CDH13: variants seen among roughly 807,000 people sequenced by gnomAD.
The protein encoded by CDH13 is cadherin 13.
Under a neutral mutation model 63.8 loss-of-function variants are expected in CDH13, and 24 were observed. The ratio of observed to expected loss-of-function variants is 0.38; its 90% CI spans 0.27 to 0.53. CDH13 has a LOEUF of 0.53. CDH13 is among the 20% of genes least tolerant of loss of function. The probability of loss-of-function intolerance (pLI) is 0.85; values close to 1 mark genes in which losing one functional copy is unlikely to be tolerated. For synonymous variants in CDH13, 503 were observed against 355.3 expected, an observed-to-expected ratio of 1.42 and a Z score of -4.67; for missense variants, 1,049 against 903.1, an observed-to-expected ratio of 1.16 and a Z score of -2.07.
At chr16:83,665,900 T>G (rs1349061902) in intron 8 of CDH13, among the ~76,000 whole-genome samples, 3 of 152,216 alleles carry the variant, frequency 2.0e-5, no homozygotes, top group Admixed American at 2.0e-4. Flanking sequence ...TACTTGTGAT[T>G]GTCTTTGTGG....
intron 9 of CDH13, among the ~76,000 whole-genome samples, chr16:83,677,131 C>T (rs939542724): frequency 6.6e-6 from 1 of 152,222 alleles, no homozygotes; most frequent in Non-Finnish European, 1.5e-5. Flanking sequence ...AATGTCTCCC[C>T]ATGCACCGCT....
At chr16:83,115,214 C>G (rs1399378998) in intron 3 of CDH13, among the ~76,000 whole-genome samples, 1 of 152,168 alleles carries the variant, frequency 6.6e-6, no homozygotes, top group Non-Finnish European at 1.5e-5. Flanking sequence ...GGCCAAAGAG[C>G]TGAATGACTT....
intron 2 of CDH13, among the ~76,000 whole-genome samples, chr16:83,011,731 G>C (rs1169247225): frequency 6.6e-6 from 1 of 152,038 alleles, no homozygotes; most frequent in Non-Finnish European, 1.5e-5. Flanking sequence ...TCTACTCCCA[G>C]TTAAGCTTTC....
chr16:82,892,370 C>G (rs1055569959), intron 2 of CDH13, among the ~76,000 whole-genome samples: 2 of 152,194 alleles, frequency 1.3e-5, no homozygotes, highest in African/African-American at 4.8e-5. Context: ...AACATTGGTT[C>G]GGGATGACAT....
rs72804340 is a variant in CDH13 at position 83,367,937 on chromosome 16, T to G, written c.781+22931T>G. ...CATGAATATAGAATGCCTTTCCATTTATTTTTGTTAATTTCCTTCAACAAT... is the reference window on the plus strand; with the variant it reads ...CATGAATATAGAATGCCTTTCCATTGATTTTTGTTAATTTCCTTCAACAAT... On this transcript the variant is annotated intron_variant, in intron 6 of 13. Transcript: ENST00000567109. Among the ~76,000 whole-genome samples, 488 of 152,350 alleles carry G rather than the reference T, an allele frequency of 3.2e-3. 2 individuals are homozygous for G. Among genetic ancestry groups the G allele is most frequent in the Admixed American group, 5.5e-3 (84 of 15,304 alleles).
intron 8 of CDH13, chr16:83,655,206 T>G (rs919568381): frequency 1.3e-5 from 2 of 152,224 alleles, no homozygotes; most frequent in Non-Finnish European, 2.9e-5. Flanking sequence ...GTCTGTCTGA[T>G]CCTTCCAGCC....
rs116756998 is a variant in CDH13, at chr16:83,059,154, C to T, written c.366+26936C>T. Among the ~76,000 whole-genome samples, 574 of 152,262 alleles carry T rather than the reference C, an allele frequency of 3.8e-3. 6 individuals are homozygous for T. The highest frequency in any genetic ancestry group is 0.013 in the African/African-American group (544 of 41,552). ...AAAAAGAGCATTTCTGAGGTTGCTT[C>T]TGTACACAGGGGCTTCATTTCTTCA... On this transcript the variant is annotated intron_variant, in intron 3 of 13. Transcript: ENST00000567109.
At chr16:83,791,290 A>T (rs886518595) in intron 13 of CDH13, among the ~76,000 whole-genome samples, 1 of 152,174 alleles carries the variant, frequency 6.6e-6, no homozygotes, top group African/African-American at 2.4e-5. Context: ...TGAGGTCAGG[A>T]TTTCGAGACT....
At chr16:82,947,976 T>A (rs1005490208) in intron 2 of CDH13, among the ~76,000 whole-genome samples, 1 of 152,230 alleles carries the variant, frequency 6.6e-6, no homozygotes, top group Non-Finnish European at 1.5e-5. Flanking sequence ...AAGGACCATA[T>A]TGAATTCATT....
chr16:82,964,091 C>T (rs559095425), intron 2 of CDH13, among the ~76,000 whole-genome samples: 15 of 152,040 alleles, frequency 9.9e-5, no homozygotes, highest in Admixed American at 6.5e-4. Flanking sequence ...GACCCTCAGA[C>T]GCTGGAACAG....
At chr16:82,779,878 CTT>C (rs2035670131) in intron 1 of CDH13, among the ~76,000 whole-genome samples, 5 of 152,172 alleles carry the variant, frequency 3.3e-5, no homozygotes. Flanking sequence ...CACGAGGTAA[CTT>C]TGACAACCCC....
At chr16:82,638,823 T>TGTGTGTGTGTGTGTGTGCGC (rs139451683) in intron 1 of CDH13, among the ~76,000 whole-genome samples, 3 of 150,904 alleles carry the variant, frequency 2.0e-5, no homozygotes, top group African/African-American at 7.3e-5. Context: ...GGGCAGTGTG[T>TGTGTGTGTGTGTGTGTGCGC]GCGTGTGTGC....
intron 8 of CDH13, among the ~76,000 whole-genome samples, chr16:83,650,296 A>G (rs566987525): frequency 1.3e-5 from 2 of 152,216 alleles, no homozygotes; most frequent in Admixed American, 6.5e-5. Flanking sequence ...TGAAAACTAC[A>G]TCAATAATTT....
At chr16:83,308,971 C>A (rs1023371072) in intron 5 of CDH13, among the ~76,000 whole-genome samples, 2 of 152,102 alleles carry the variant, frequency 1.3e-5, no homozygotes, top group Admixed American at 1.3e-4. Context: ...CCAGGTCACA[C>A]TGGGTTGGTT....
chr16:82,627,201 G>C, intron 1 of CDH13, 64 bp downstream of exon 1: 2 of 1,459,880 alleles, frequency 1.4e-6, no homozygotes, highest in Non-Finnish European at 1.9e-6. Context: ...CGCCCGGCAC[G>C]GGCAGGGTGA....
At chr16:82,690,779 C>A (rs769506742) in intron 1 of CDH13, among the ~76,000 whole-genome samples, 1 of 152,236 alleles carries the variant, frequency 6.6e-6, no homozygotes, top group Non-Finnish European at 1.5e-5. Flanking sequence ...CCTGGCACAA[C>A]CTGCTCACAC....
At chr16:83,117,413 G>A (rs1352056737) in intron 3 of CDH13, among the ~76,000 whole-genome samples, 1 of 151,754 alleles carries the variant, frequency 6.6e-6, no homozygotes, top group East Asian at 1.9e-4. Flanking sequence ...CCATCTCCTC[G>A]GTGGACCGCT....
intron 4 of CDH13, among the ~76,000 whole-genome samples, chr16:83,204,846 C>T (rs1597511395): frequency 6.6e-6 from 1 of 152,220 alleles, no homozygotes; most frequent in African/African-American, 2.4e-5. Context: ...CAATTTGGAA[C>T]ATTGCTGGTC....
intron 3 of CDH13, among the ~76,000 whole-genome samples, chr16:83,072,239 G>A (rs968114033): frequency 2.9e-4 from 44 of 152,076 alleles, no homozygotes; most frequent in Admixed American, 1.7e-3. Context: ...TAAAAGATGC[G>A]GTTAAAGAAA....
Sources: gnomAD v4.1 joint callset for allele counts (sites outside exome capture counted in the v4.1 genomes callset) on GRCh38, gnomAD v4.1.1 for gene constraint, MANE v1.5 for transcripts, NCBI Gene and HGNC (gene_info 2026-07-23, HGNC 2026-07-21) for gene names.